ARID5B: variants seen among roughly 807,000 people sequenced by gnomAD.
ARID5B encodes the protein AT-rich interaction domain 5B, also known as AT-rich interactive domain-containing protein 5B.
A neutral mutation model predicts 97.2 loss-of-function variants in ARID5B; 13 were observed. The observed-to-expected ratio is 0.13, with a 90% CI of 0.09 to 0.21. The LOEUF is 0.21. Ranked by LOEUF, ARID5B falls within the 10% of genes least tolerant of loss-of-function variation. The probability of loss-of-function intolerance (pLI) is 1.00; values close to 1 mark genes in which losing one functional copy is unlikely to be tolerated. For missense variants in ARID5B, 1,210 were observed against 1,465.3 expected (o/e 0.83, Z 2.84); for synonymous variants, 556 against 570.3 (o/e 0.97, Z 0.36).
intron 3 of ARID5B, among the ~76,000 whole-genome samples, chr10:61,965,923 C>G (rs76842788): frequency 3.3e-5 from 5 of 152,156 alleles, no homozygotes; most frequent in African/African-American, 1.2e-4. Context: ...AATGAAATGT[C>G]TTAATTTAGA....
At chr10:62,069,144 C>T (rs1194173975) in intron 7 of ARID5B, among the ~76,000 whole-genome samples, 1 of 152,174 alleles carries the variant, frequency 6.6e-6, no homozygotes, top group Non-Finnish European at 1.5e-5. Context: ...ATTCCACAAC[C>T]AATTTGATCA....
intron 3 of ARID5B, among the ~76,000 whole-genome samples, chr10:61,996,893 AAAAT>A (rs1564623303): frequency 6.8e-6 from 1 of 147,022 alleles, no homozygotes. Context: ...CTGAAAAAAA[AAAAT>A]ATATATATAT....
At chr10:61,954,106 C>A (rs1162235528) in intron 3 of ARID5B, among the ~76,000 whole-genome samples, 1 of 152,062 alleles carries the variant, frequency 6.6e-6, no homozygotes, top group African/African-American at 2.4e-5. Flanking sequence ...TGCCTGTAAT[C>A]CCAGCAATTT....
intron 7 of ARID5B, among the ~76,000 whole-genome samples, chr10:62,066,319 CA>C (rs1260314918): frequency 6.6e-6 from 1 of 151,912 alleles, no homozygotes; most frequent in Non-Finnish European, 1.5e-5. Flanking sequence ...ATCTAGAGAC[CA>C]AAAAAACAGA....
intron 3 of ARID5B, among the ~76,000 whole-genome samples, chr10:61,960,108 T>C (rs1838448635): frequency 6.6e-6 from 1 of 152,212 alleles, no homozygotes; most frequent in South Asian, 2.1e-4. Context: ...GGAGGGTTTC[T>C]TTTTTCATGA....
intron 4 of ARID5B, among the ~76,000 whole-genome samples, chr10:62,012,286 C>G (rs531468397): frequency 6.6e-6 from 1 of 152,044 alleles, no homozygotes; most frequent in South Asian, 2.1e-4. Flanking sequence ...TTTGAGAGGC[C>G]GAAGTGGGCA....
At chr10:61,962,015 C>T (rs1015498342) in intron 3 of ARID5B, among the ~76,000 whole-genome samples, 1 of 152,230 alleles carries the variant, frequency 6.6e-6, no homozygotes, top group African/African-American at 2.4e-5. Flanking sequence ...TCCCAAAGTG[C>T]TGGGATTACA....
intron 5 of ARID5B, 180 bp downstream of exon 5, chr10:62,051,180 C>T (rs1333049233): frequency 3.6e-5 from 25 of 686,958 alleles, no homozygotes; most frequent in Admixed American, 1.5e-4. Flanking sequence ...CCCTGGTTGC[C>T]GTGGGCTGGG....
At chr10:61,932,282 C>T (rs752628680) in intron 2 of ARID5B, among the ~76,000 whole-genome samples, 13 of 152,006 alleles carry the variant, frequency 8.6e-5, no homozygotes, top group South Asian at 2.1e-4. Flanking sequence ...CTGAGTCTTC[C>T]GCAAGTTGTA....
intron 2 of ARID5B, among the ~76,000 whole-genome samples, chr10:61,905,445 GTTT>G (rs71022103): frequency 7.0e-6 from 1 of 143,530 alleles, no homozygotes; most frequent in Non-Finnish European, 1.5e-5. Context: ...TTTGCAGAGG[GTTT>G]TTTTTTTTTT....
intron 4 of ARID5B, among the ~76,000 whole-genome samples, chr10:62,019,336 T>A (rs1839324433): frequency 6.6e-6 from 1 of 152,238 alleles, no homozygotes; most frequent in Non-Finnish European, 1.5e-5. Flanking sequence ...TCTTGGTGCC[T>A]GCATAATTTA....
intron 2 of ARID5B, among the ~76,000 whole-genome samples, chr10:61,902,966 A>T (rs1253092133): frequency 6.6e-6 from 1 of 152,158 alleles, no homozygotes; most frequent in Non-Finnish European, 1.5e-5. Context: ...GATAAATGAC[A>T]GGTACTGGAA....
At chr10:61,908,573 C>T (rs555981847) in intron 2 of ARID5B, among the ~76,000 whole-genome samples, 12 of 152,006 alleles carry the variant, frequency 7.9e-5, no homozygotes, top group African/African-American at 2.9e-4. Context: ...TTTGAGAGGC[C>T]GAGGCAGGCA....
At position 62,092,657 on chromosome 10, in the gene ARID5B, G is replaced by A. The variant is rs749976442; in HGVS notation, c.3194G>A (p.Gly1065Glu). 1.9e-6 allele frequency: 3 copies of A among 1,614,050 alleles called. No homozygotes were observed. The highest frequency in any genetic ancestry group is 4.5e-5 in the East Asian group (2 of 44,868). ...KAAHGGHSGG[G>E]SEGHKLPLSS... The stretch of plus-strand genomic sequence containing the variant: ...GCGCACGGTGGGCATTCCGGGGGCG[G>A]ATCAGAAGGCCACAAGCTTCCCCTC... Residue 1065 changes from glycine (G) to glutamate (E), a missense_variant, in exon 10 of 10, where the codon GGA (glycine) becomes GAA (glutamate). Gly to Glu is a moderately conservative substitution (Grantham distance 98). Around this residue, in one of 8 missense-constraint regions of ARID5B, gnomAD observed 800 missense variants for 839.1 expected, o/e 0.95. Transcript: ENST00000279873.
chr10:61,982,879 C>T (rs1335709983), intron 3 of ARID5B, among the ~76,000 whole-genome samples: 1 of 152,152 alleles, frequency 6.6e-6, no homozygotes, highest in Non-Finnish European at 1.5e-5. Context: ...AAATAAACCC[C>T]CGCCAAGGTG....
intron 3 of ARID5B, among the ~76,000 whole-genome samples, chr10:61,943,764 C>A (rs1844455593): frequency 6.6e-6 from 1 of 151,630 alleles, no homozygotes; most frequent in Admixed American, 6.6e-5. Context: ...CAAGAATGTT[C>A]TCACAAATGT....
At chr10:61,993,792 G>A (rs927262909) in intron 3 of ARID5B, among the ~76,000 whole-genome samples, 2 of 152,102 alleles carry the variant, frequency 1.3e-5, no homozygotes, top group Non-Finnish European at 1.5e-5. Flanking sequence ...ATGCTTTGCC[G>A]TTGGTTGGTT....
At chr10:61,979,452 CT>C (rs1838746748) in intron 3 of ARID5B, among the ~76,000 whole-genome samples, 1 of 152,144 alleles carries the variant, frequency 6.6e-6, no homozygotes, top group Non-Finnish European at 1.5e-5. Flanking sequence ...TGGAGGAGGG[CT>C]TGGTTTACAT....
At chr10:62,070,333 G>A (rs10995024) in intron 8 of ARID5B, among the ~76,000 whole-genome samples, 14,083 of 152,178 alleles carry the variant, frequency 0.093, 1,002 homozygotes, top group Admixed American at 0.19. Context: ...TCAGAAAGAT[G>A]ATGAGGATGC....
Sources: allele counts gnomAD v4.1 joint callset (sites outside exome capture counted in the v4.1 genomes callset), GRCh38; gene constraint gnomAD v4.1.1; regional missense constraint gnomAD v4.1.1; transcripts MANE v1.5; gene names NCBI Gene and HGNC (gene_info 2026-07-23, HGNC 2026-07-21).